PCDH17: variants seen among roughly 807,000 people sequenced by gnomAD.
PCDH17 encodes the protein protocadherin 17, also known as protocadherin-17.
A neutral mutation model predicts 67.7 loss-of-function variants in PCDH17; 21 were observed. The ratio of observed to expected loss-of-function variants is 0.31; its 90% CI spans 0.22 to 0.45. The LOEUF (loss-of-function observed/expected upper bound fraction) is 0.45, where lower values mean the gene tolerates loss of function less well. Ranked by LOEUF, PCDH17 falls within the 20% of genes least tolerant of loss-of-function variation. The pLI is 1.00. For missense variants in PCDH17, 1,471 were observed against 1,564.8 expected (o/e 0.94, Z 1.01); for synonymous variants, 701 against 656.7 (o/e 1.07, Z -1.03).
chr13:57,666,438 T>C, intron 1 of PCDH17, 30 bp from the exon 2 acceptor site: 1 of 1,570,420 alleles, frequency 6.4e-7, no homozygotes, highest in Non-Finnish European at 8.8e-7. Flanking sequence ...AGTGTACAAC[T>C]ATACGTATTT....
chr13:57,681,596 T>C (rs993682529), intron 3 of PCDH17, among the ~76,000 whole-genome samples: 5 of 151,798 alleles, frequency 3.3e-5, no homozygotes, highest in Non-Finnish European at 7.4e-5. Flanking sequence ...TGAAAATGGA[T>C]AGAAGACACA....
chr13:57,680,706 C>T (rs2138047218), intron 3 of PCDH17, among the ~76,000 whole-genome samples: 1 of 151,700 alleles, frequency 6.6e-6, no homozygotes, highest in South Asian at 2.1e-4. Context: ...ATGTTTAAAA[C>T]TCTCTGAACT....
At chr13:57,641,368 T>C (rs1225365552) in intron 1 of PCDH17, among the ~76,000 whole-genome samples, 1 of 150,210 alleles carries the variant, frequency 6.7e-6, no homozygotes, top group Non-Finnish European at 1.5e-5. Context: ...TGCTTTTATT[T>C]CCTTGCTACT....
At chr13:57,641,612 A>ATG (rs1299380580) in intron 1 of PCDH17, among the ~76,000 whole-genome samples, 3 of 130,156 alleles carry the variant, frequency 2.3e-5, no homozygotes, top group African/African-American at 8.3e-5. Flanking sequence ...ATATATATAT[A>ATG]TATATATATA....
At chr13:57,721,287 T>C (rs1955869654) in intron 3 of PCDH17, among the ~76,000 whole-genome samples, 1 of 152,154 alleles carries the variant, frequency 6.6e-6, no homozygotes, top group South Asian at 2.1e-4. Context: ...CAATCCCAGA[T>C]AGAACCTGAA....
chr13:57,686,601 T>C (rs1342937503), intron 3 of PCDH17, among the ~76,000 whole-genome samples: 1 of 151,884 alleles, frequency 6.6e-6, no homozygotes, highest in African/African-American at 2.4e-5. Flanking sequence ...TGCAAATAAG[T>C]AACAGCACTT....
chr13:57,720,951 T>G (rs1451099628), intron 3 of PCDH17, among the ~76,000 whole-genome samples: 1 of 152,298 alleles, frequency 6.6e-6, no homozygotes, highest in East Asian at 1.9e-4. Context: ...TGATTCTTAA[T>G]ACTAAACAAG....
chr13:57,670,058 T>A (rs1051291540), intron 3 of PCDH17, among the ~76,000 whole-genome samples: 2 of 152,064 alleles, frequency 1.3e-5, no homozygotes, highest in African/African-American at 4.8e-5. Flanking sequence ...CAACTTTTTT[T>A]AATATTCTGT....
intron 1 of PCDH17, among the ~76,000 whole-genome samples, chr13:57,651,693 G>A (rs983495545): frequency 6.6e-6 from 1 of 151,870 alleles, no homozygotes; most frequent in Non-Finnish European, 1.5e-5. Flanking sequence ...GCAGTCCAGG[G>A]GAAGTTGCTT....
At chr13:57,664,486 C>A (rs1392059679) in intron 1 of PCDH17, among the ~76,000 whole-genome samples, 1 of 152,036 alleles carries the variant, frequency 6.6e-6, no homozygotes, top group Non-Finnish European at 1.5e-5. Flanking sequence ...CCTATCAGGA[C>A]AAGAGAAAAA....
At chr13:57,712,870 C>A (rs1955788415) in intron 3 of PCDH17, among the ~76,000 whole-genome samples, 1 of 151,520 alleles carries the variant, frequency 6.6e-6, no homozygotes, top group Non-Finnish European at 1.5e-5. Context: ...TAGGAATGCA[C>A]TTCACTCTTA....
intron 3 of PCDH17, among the ~76,000 whole-genome samples, chr13:57,701,987 G>A (rs1955668105): frequency 6.6e-6 from 1 of 151,702 alleles, no homozygotes; most frequent in Non-Finnish European, 1.5e-5. Flanking sequence ...GCATGATCTC[G>A]GCTCACTGCA....
chr13:57,640,630 G>C (rs74805662), intron 1 of PCDH17, among the ~76,000 whole-genome samples: 1 of 151,988 alleles, frequency 6.6e-6, no homozygotes, highest in East Asian at 1.9e-4. Flanking sequence ...TTAACACGTG[G>C]CCTTCAGTGG....
chr13:57,683,222 CT>C (rs1955472159), intron 3 of PCDH17, among the ~76,000 whole-genome samples: 1 of 151,728 alleles, frequency 6.6e-6, no homozygotes, highest in African/African-American at 2.4e-5. Flanking sequence ...GAATAAAGGC[CT>C]TATTAACATC....
At chr13:57,707,560 A>T in intron 3 of PCDH17, among the ~76,000 whole-genome samples, 1 of 152,170 alleles carries the variant, frequency 6.6e-6, no homozygotes, top group South Asian at 2.1e-4. Flanking sequence ...ACATTTTTAG[A>T]TATTTTTTAC....
chr13:57,642,352 C>G (rs1187824311), intron 1 of PCDH17, among the ~76,000 whole-genome samples: 1 of 151,600 alleles, frequency 6.6e-6, no homozygotes, highest in Admixed American at 6.6e-5. Context: ...GCTATACATT[C>G]ATAATTGTTT....
intron 3 of PCDH17, among the ~76,000 whole-genome samples, chr13:57,712,175 G>A (rs1236456800): frequency 6.6e-6 from 1 of 151,730 alleles, no homozygotes; most frequent in South Asian, 2.1e-4. Flanking sequence ...TAGTTTAATT[G>A]TAGTTCACTT....
intron 3 of PCDH17, among the ~76,000 whole-genome samples, chr13:57,674,775 G>T (rs1044939547): frequency 6.6e-6 from 1 of 151,898 alleles, no homozygotes; most frequent in Admixed American, 6.6e-5. Flanking sequence ...AATTTAATAG[G>T]TCTAAAACAT....
chr13:57,701,431 T>G (rs992388770), intron 3 of PCDH17, among the ~76,000 whole-genome samples: 2 of 152,170 alleles, frequency 1.3e-5, no homozygotes, highest in Admixed American at 6.5e-5. Context: ...TTCTCAGAAT[T>G]TTCTACTAAA....
Sources: allele counts gnomAD v4.1 joint callset (sites outside exome capture counted in the v4.1 genomes callset), GRCh38; gene constraint gnomAD v4.1.1; transcripts MANE v1.5; gene names NCBI Gene and HGNC (gene_info 2026-07-23, HGNC 2026-07-21).